PAPPA: variants seen among roughly 807,000 people sequenced by gnomAD.
PAPPA encodes pappalysin-1.
Under a neutral mutation model 164.0 loss-of-function variants are expected in PAPPA, and 60 were observed. That is an observed-to-expected ratio of 0.37 (90% CI 0.30 to 0.45). The LOEUF (loss-of-function observed/expected upper bound fraction) is 0.45, where lower values mean the gene tolerates loss of function less well. Among genes scored for constraint, PAPPA ranks in the 20% least tolerant of loss-of-function variants. PAPPA has a pLI of 1.00. For synonymous variants in PAPPA, 875 were observed against 814.1 expected (o/e 1.07, Z -1.27); for missense variants, 1,782 against 2,087.3 (o/e 0.85, Z 2.85).
At chr9:116,342,270 A>G (rs1846148071) in intron 13 of PAPPA, among the ~76,000 whole-genome samples, 1 of 152,188 alleles carries the variant, frequency 6.6e-6, no homozygotes, top group Non-Finnish European at 1.5e-5. Context: ...TTTAGTGTCA[A>G]AGCCCTTGTG....
chr9:116,290,365 C>CT (rs5900198), intron 9 of PAPPA, among the ~76,000 whole-genome samples: 54 of 147,464 alleles, frequency 3.7e-4, no homozygotes, highest in Middle Eastern at 3.5e-3. Flanking sequence ...GTTTCTCCAT[C>CT]TTTTTTTTTT....
intron 9 of PAPPA, among the ~76,000 whole-genome samples, chr9:116,293,364 G>A (rs1457905082): frequency 1.3e-5 from 2 of 152,218 alleles, no homozygotes; most frequent in African/African-American, 2.4e-5. Context: ...GACTAATGAT[G>A]TAGGAAATAG....
intron 9 of PAPPA, among the ~76,000 whole-genome samples, chr9:116,289,915 T>C (rs968467604): frequency 2.0e-5 from 3 of 152,180 alleles, no homozygotes; most frequent in African/African-American, 7.2e-5. Flanking sequence ...TATTTGTTGA[T>C]AGTGTGTTTA....
chr9:116,199,611 G>T (rs1469456593), intron 2 of PAPPA, among the ~76,000 whole-genome samples: 1 of 152,142 alleles, frequency 6.6e-6, no homozygotes, highest in Admixed American at 6.5e-5. Flanking sequence ...GCCAGGGTCT[G>T]CTTGGGACTC....
intron 9 of PAPPA, chr9:116,288,903 C>G (rs1288461729): frequency 6.6e-6 from 1 of 151,918 alleles, no homozygotes; most frequent in African/African-American, 2.4e-5. Flanking sequence ...CTGCCAAGAA[C>G]ATAGCATGCT....
intron 7 of PAPPA, among the ~76,000 whole-genome samples, chr9:116,243,169 G>A (rs565653642): frequency 2.4e-4 from 37 of 152,154 alleles, no homozygotes; most frequent in Non-Finnish European, 4.9e-4. Flanking sequence ...CTTCTTTTAT[G>A]TATTGATATA....
chr9:116,223,616 A>G (rs1844470784), intron 5 of PAPPA, among the ~76,000 whole-genome samples: 1 of 152,222 alleles, frequency 6.6e-6, no homozygotes, highest in Non-Finnish European at 1.5e-5. Flanking sequence ...ATATCTAATT[A>G]GGGTTAGCAG....
chr9:116,311,113 C>T (rs1845712701), intron 10 of PAPPA, among the ~76,000 whole-genome samples: 2 of 146,846 alleles, frequency 1.4e-5, no homozygotes, highest in African/African-American at 5.1e-5. Context: ...GAAATTTAAC[C>T]AGAGAGAGAC....
chr9:116,364,276 G>A (rs1373247207), intron 18 of PAPPA, among the ~76,000 whole-genome samples: 1 of 152,218 alleles, frequency 6.6e-6, no homozygotes, highest in Admixed American at 6.5e-5. Context: ...AACTGGCATT[G>A]AGTGGCTCTG....
chr9:116,355,278 G>T (rs1846338175), intron 17 of PAPPA, among the ~76,000 whole-genome samples: 1 of 152,206 alleles, frequency 6.6e-6, no homozygotes, highest in African/African-American at 2.4e-5. Context: ...CAGGAGGAAG[G>T]ACTGCAATGA....
At chr9:116,363,013 G>A (rs1489089991) in intron 18 of PAPPA, among the ~76,000 whole-genome samples, 1 of 152,228 alleles carries the variant, frequency 6.6e-6, no homozygotes, top group Non-Finnish European at 1.5e-5. Flanking sequence ...CCCACAGGAA[G>A]GGATGCTTAC....
At chr9:116,379,539 TCATCCATCCATCCATCCATCCATC>T (rs60827972) in intron 20 of PAPPA, among the ~76,000 whole-genome samples, 2 of 149,792 alleles carry the variant, frequency 1.3e-5, no homozygotes, top group Non-Finnish European at 3.0e-5. Flanking sequence ...TTCTTGCCTG[TCATCCATCCATCCATCCATCCATC>T]CATCCATCCA....
At chr9:116,211,510 T>A (rs1301654646) in intron 3 of PAPPA, 129 bp from the exon 4 acceptor site, 2 of 716,532 alleles carry the variant, frequency 2.8e-6, no homozygotes, top group Non-Finnish European at 4.8e-6. Context: ...CTCAGGGCAA[T>A]GGAGTCCTAG....
intron 6 of PAPPA, among the ~76,000 whole-genome samples, chr9:116,234,076 T>C (rs1171674644): frequency 6.6e-6 from 1 of 152,102 alleles, no homozygotes; most frequent in Non-Finnish European, 1.5e-5. Flanking sequence ...CAACTTGAGG[T>C]CCTTCATCTT....
chr9:116,159,043 G>T (rs1409520057), intron 1 of PAPPA, among the ~76,000 whole-genome samples: 1 of 152,176 alleles, frequency 6.6e-6, no homozygotes, highest in Non-Finnish European at 1.5e-5. Context: ...CCTACAGATC[G>T]AAGAGGGTGA....
intron 18 of PAPPA, 78 bp downstream of exon 18, chr9:116,362,817 T>C (rs953736248): frequency 1.4e-6 from 2 of 1,418,408 alleles, no homozygotes; most frequent in Non-Finnish European, 1.9e-6. Context: ...GGGTGGGTCA[T>C]TGAACACCCT....
At chr9:116,276,049 T>TC (rs1845193707) in intron 9 of PAPPA, among the ~76,000 whole-genome samples, 5 of 152,142 alleles carry the variant, frequency 3.3e-5, no homozygotes, top group Non-Finnish European at 2.9e-5. Flanking sequence ...TGTCTTTTTT[T>TC]CCCCTCTTTT....
chr9:116,309,040 A>G (rs1845682493), intron 10 of PAPPA, among the ~76,000 whole-genome samples: 1 of 152,102 alleles, frequency 6.6e-6, no homozygotes, highest in Admixed American at 6.5e-5. Context: ...TTAAAATGTC[A>G]GTGAAAGGGA....
chr9:116,223,821 C>G (rs962152473), intron 5 of PAPPA, among the ~76,000 whole-genome samples: 7 of 152,202 alleles, frequency 4.6e-5, no homozygotes, highest in African/African-American at 1.4e-4. Flanking sequence ...CTTTATCACT[C>G]CCAGTCAATG....
Sources: allele counts gnomAD v4.1 joint callset (sites outside exome capture counted in the v4.1 genomes callset), GRCh38; gene constraint gnomAD v4.1.1; transcripts MANE v1.5; gene names NCBI Gene and HGNC (gene_info 2026-07-23, HGNC 2026-07-21).